Variants in LRRC4B observed in about 807,000 individuals in gnomAD.
The protein encoded by LRRC4B is leucine rich repeat containing 4B.
Under a neutral mutation model 7.3 loss-of-function variants are expected in LRRC4B, and 1 was observed. The ratio of observed to expected loss-of-function variants is 0.14; its 90% CI spans 0.05 to 0.65. The LOEUF is 0.65. Ranked by LOEUF, LRRC4B falls within the 30% of genes least tolerant of loss-of-function variation. LRRC4B has a pLI of 0.84. For synonymous variants in LRRC4B, 500 were observed against 499.2 expected (o/e 1.00, Z -0.02); for missense variants, 730 against 1,041.6 (o/e 0.70, Z 4.12).
In LRRC4B at chr19:50,552,683, T is replaced by TCCATCCATTCATCCATCCAC. The variant is rs377729910; in HGVS notation, c.-35-3811_-35-3810insGTGGATGGATGAATGGATGG. The stretch of plus-strand genomic sequence containing the variant: ...ATCCATCCATCCATCCATCCATCCA[T>TCCATCCATTCATCCATCCAC]CCATCCGTCCATCCATCCGCCCATC... On this transcript the variant is annotated intron_variant, in intron 1 of 2. Coordinates refer to ENST00000652263, the MANE Select transcript of LRRC4B (RefSeq NM_001080457.2). Among the ~76,000 whole-genome samples the TCCATCCATTCATCCATCCAC allele has an allele frequency of 7.5e-3, 909 of 121,350 alleles. 53 individuals are homozygous for TCCATCCATTCATCCATCCAC. Among genetic ancestry groups the TCCATCCATTCATCCATCCAC allele is most frequent in the African/African-American group, 0.028 (795 of 27,898 alleles). 79.6% of individuals were successfully genotyped at this position (121,350 alleles called of 152,430 possible).
chr19:50,523,914 G>A (rs1250194753), intron 2 of LRRC4B, among the ~76,000 whole-genome samples: 1 of 151,312 alleles, frequency 6.6e-6, no homozygotes, highest in African/African-American at 2.4e-5. Context: ...AGCCAAGATC[G>A]CCCAGTTGCA....
At chr19:50,566,292 G>GCGGCC (rs997558779) in intron 1 of LRRC4B, among the ~76,000 whole-genome samples, 1 of 151,900 alleles carries the variant, frequency 6.6e-6, no homozygotes, top group Non-Finnish European at 1.5e-5. Context: ...TGGCGGCTGC[G>GCGGCC]CGGCCGGGAC....
At chr19:50,566,432 G>T (rs376656556) in intron 1 of LRRC4B, among the ~76,000 whole-genome samples, 52 of 151,838 alleles carry the variant, frequency 3.4e-4, no homozygotes, top group African/African-American at 1.2e-3. Context: ...TCCCAGCTGG[G>T]CTCTCCCCAG....
Position 50,555,858 on chromosome 19 carries a change from G to A in LRRC4B, c.-35-6985C>T, listed in dbSNP as rs2122918401. On this transcript the variant is annotated intron_variant, in intron 1 of 2. Coordinates refer to ENST00000652263, the MANE Select transcript of LRRC4B (RefSeq NM_001080457.2). This position sits in a 1 kb window ranked among gnomAD's most constrained non-coding sequence, Gnocchi z 5.2. ...TGCAGCAAGAGGCCTGGAGGTTAGA[G>A]CTAGAGAAGAACTTCCCCACTGCGA... 1 of 152,474 alleles carries A rather than the reference G, an allele frequency of 6.6e-6. No homozygotes were observed. The highest frequency in any genetic ancestry group is 1.9e-4 in the East Asian group (1 of 5,164). The allele number at this position is 152,474 out of a possible 1,614,324, so 9.4% of individuals were successfully genotyped here.
chr19:50,538,419 A>G (rs1375836023), intron 2 of LRRC4B, among the ~76,000 whole-genome samples: 2 of 152,138 alleles, frequency 1.3e-5, no homozygotes, highest in Non-Finnish European at 2.9e-5. Context: ...TCCAATCAAA[A>G]GCTCCATGTT....
intron 2 of LRRC4B, among the ~76,000 whole-genome samples, chr19:50,543,574 G>A (rs956969156): frequency 6.6e-6 from 1 of 151,990 alleles, no homozygotes; most frequent in Non-Finnish European, 1.5e-5. Context: ...TAAGGAGGCC[G>A]GGCGCGGTGG....
chr19:50,542,736 C>CA, intron 2 of LRRC4B, among the ~76,000 whole-genome samples: 1 of 152,062 alleles, frequency 6.6e-6, no homozygotes, highest in East Asian at 1.9e-4. Context: ...CTCAGCCTTC[C>CA]AAAGTACTGG....
rs536924580 is a variant in LRRC4B at position 50,543,380 on chromosome 19, G to A, written c.297+5162C>T. Among the ~76,000 whole-genome samples the A allele has an allele frequency of 2.9e-3, 394 of 135,428 alleles. 2 individuals carry two copies. The highest frequency in any genetic ancestry group is 0.01 in the African/African-American group (371 of 35,990). The allele number at this position is 135,428 out of a possible 152,430, so 88.8% of individuals were successfully genotyped here. ...TGTGTGTGTGTGTCTCTGTGTGTAA[G>A]GGAGAAGTACACTCAAATGAGGAAG... On this transcript the variant is annotated intron_variant, in intron 2 of 2. Transcript: ENST00000652263.
At chr19:50,524,660 T>C (rs1980722515) in intron 2 of LRRC4B, among the ~76,000 whole-genome samples, 1 of 152,190 alleles carries the variant, frequency 6.6e-6, no homozygotes, top group South Asian at 2.1e-4. Flanking sequence ...GCTCAACAGG[T>C]CCAAAATACT....
At chr19:50,547,801 C>T (rs936343064) in intron 2 of LRRC4B, among the ~76,000 whole-genome samples, 2 of 151,688 alleles carry the variant, frequency 1.3e-5, no homozygotes, top group South Asian at 2.1e-4. Context: ...CTCTGTCCCC[C>T]CAAGCCCTCG....
intron 1 of LRRC4B, among the ~76,000 whole-genome samples, chr19:50,566,760 TG>T (rs1185866956): frequency 5.6e-5 from 7 of 125,836 alleles, no homozygotes; most frequent in Middle Eastern, 4.5e-3. Flanking sequence ...GAGCTAGGAT[TG>T]GGGGGGTCTG....
chr19:50,541,383 A>G (rs998092954), intron 2 of LRRC4B, among the ~76,000 whole-genome samples: 5 of 146,858 alleles, frequency 3.4e-5, no homozygotes, highest in East Asian at 3.9e-4. Flanking sequence ...AAAAAAAAAA[A>G]AGAAAAAGAA....
intron 1 of LRRC4B, among the ~76,000 whole-genome samples, chr19:50,560,177 G>A (rs1035258558): frequency 1.3e-5 from 2 of 152,062 alleles, no homozygotes; most frequent in Non-Finnish European, 2.9e-5. Context: ...ATTCTGCATC[G>A]CCATATCTAG....
chr19:50,552,542 G>T (rs181056243), intron 1 of LRRC4B, among the ~76,000 whole-genome samples: 1 of 149,662 alleles, frequency 6.7e-6, no homozygotes, highest in Non-Finnish European at 1.5e-5. Context: ...CAACTTATCC[G>T]CCCATCCATC....
In LRRC4B at chr19:50,548,634, G is replaced by C. The variant is rs1384006233; in HGVS notation, c.205C>G (p.Arg69Gly). ...AGGTCTCTCCGTGTGCAGATCACCCGGCTGGCCTGGTTGCTGCAGGAGCAG... is the reference window on the plus strand; with the variant it reads ...AGGTCTCTCCGTGTGCAGATCACCCCGCTGGCCTGGTTGCTGCAGGAGCAG... ...VACSCSNQAS[R>G]VICTRRDLAE... The change falls in exon 2 of 3, where the codon CGG becomes GGG. Residue 69 changes from arginine to glycine, a missense_variant. This residue lies in a region of LRRC4B where 143 missense variants were observed against 158.4 expected (regional missense o/e 0.90). Coordinates refer to ENST00000652263, the MANE Select transcript of LRRC4B (RefSeq NM_001080457.2). The surrounding 1 kb of genome is among the most constrained non-coding windows in gnomAD (Gnocchi z 6.8). The C allele has an allele frequency of 6.3e-7, 1 of 1,585,922 alleles. No individual in the cohort carries two copies.
intron 1 of LRRC4B, among the ~76,000 whole-genome samples, chr19:50,560,430 C>A (rs1479881195): frequency 1.3e-5 from 2 of 152,194 alleles, no homozygotes; most frequent in African/African-American, 4.8e-5. Flanking sequence ...GAGCTTCACC[C>A]CTCAGGACCT....
rs779705518 is a variant in LRRC4B, at chr19:50,556,795, A to G, written c.-35-7922T>C. Among the ~76,000 whole-genome samples, 10 of 151,366 alleles carry G rather than the reference A, an allele frequency of 6.6e-5. No homozygotes were observed. The highest frequency in any genetic ancestry group is 4.4e-5 in the Non-Finnish European group (3 of 67,914). On this transcript the variant is annotated intron_variant, in intron 1 of 2. Coordinates refer to ENST00000652263, the MANE Select transcript of LRRC4B (RefSeq NM_001080457.2). This position sits in a 1 kb window ranked among gnomAD's most constrained non-coding sequence, Gnocchi z 4.2. Reference sequence around the variant, plus strand: ...TCCTCTGCTGGCACCCGAGGCAAGGAGCCCTGGGTCTCTAGGGAGGCAAGT... The same window carrying G: ...TCCTCTGCTGGCACCCGAGGCAAGGGGCCCTGGGTCTCTAGGGAGGCAAGT...
At chr19:50,547,261 G>A (rs568194727) in intron 2 of LRRC4B, among the ~76,000 whole-genome samples, 1 of 152,246 alleles carries the variant, frequency 6.6e-6, no homozygotes, top group African/African-American at 2.4e-5. Flanking sequence ...ATGTGACGAC[G>A]CCCCTGACGT....
Position 50,528,949 on chromosome 19 carries a change from T to C in LRRC4B, c.298-9534A>G, listed in dbSNP as rs560865861. 2.5e-3 allele frequency among the ~76,000 whole-genome samples: 384 copies of C among 152,232 alleles called. 3 individuals carry two copies. The highest frequency in any genetic ancestry group is 8.6e-3 in the African/African-American group (359 of 41,548). ...ACCCAGCCGGAGATGCGACTGTGCC[T>C]GGGCATGAGGCTGGGGGCTGTGGGC... On this transcript the variant is annotated intron_variant, in intron 2 of 2. Coordinates refer to ENST00000652263, the MANE Select transcript of LRRC4B (RefSeq NM_001080457.2).
Sources: allele counts gnomAD v4.1 joint callset (sites outside exome capture counted in the v4.1 genomes callset), GRCh38; gene constraint gnomAD v4.1.1; regional missense constraint gnomAD v4.1.1; non-coding constraint Gnocchi (gnomAD v3.1); transcripts MANE v1.5; gene names NCBI Gene and HGNC (gene_info 2026-07-23, HGNC 2026-07-21).